The following PDE4C variants were observed in gnomAD, a reference collection of about 807,000 sequenced individuals.
The protein encoded by PDE4C is 3',5'-cyclic-AMP phosphodiesterase 4C.
PDE4C carries 50 observed loss-of-function variants against 63.9 expected under a neutral mutation model. The observed-to-expected ratio is 0.78, with a 90% confidence interval of 0.62 to 0.99. The LOEUF is 0.99. Ranked by LOEUF, PDE4C falls within the 50% of genes least tolerant of loss-of-function variation. The probability of loss-of-function intolerance (pLI) is 0.00; values close to 1 mark genes in which losing one functional copy is unlikely to be tolerated. For missense variants in PDE4C, 777 were observed against 899.1 expected (o/e 0.86, Z 1.74); for synonymous variants, 377 against 385.1 (o/e 0.98, Z 0.25).
At chr19:18,234,232 C>G (rs1159153372), upstream of PDE4C, 1 of 152,364 alleles carries the variant, frequency 6.6e-6, no homozygotes, top group African/African-American at 2.4e-5. Flanking sequence ...TGTGGAAGCT[C>G]AGGACAGGCA....
At chr19:18,254,040 C>G in the PDE4C span, among the ~76,000 whole-genome samples, 1 of 152,336 alleles carries the variant, frequency 6.6e-6, no homozygotes, top group Admixed American at 6.5e-5. Flanking sequence ...CCACATGCCA[C>G]CCTCCCCAGA....
intron 12 of PDE4C, among the ~76,000 whole-genome samples, chr19:18,213,944 C>T (rs1968082134): frequency 1.3e-5 from 2 of 152,218 alleles, no homozygotes; most frequent in African/African-American, 4.8e-5. Context: ...TCCTACTCAT[C>T]CTTCAAAGCC....
At chr19:18,235,393 T>A (rs271830), upstream of PDE4C, among the ~76,000 whole-genome samples, 114,847 of 152,082 alleles carry the variant, frequency 0.76, 44,531 homozygotes, top group African/African-American at 0.94. Flanking sequence ...CTGGACTCGA[T>A]CTCCTGACCT....
chr19:18,220,549 C>A lies in PDE4C; in HGVS notation c.500-34G>T, dbSNP rs1370169436. On this transcript the variant is annotated intron_variant, in intron 5 of 14. Coordinates refer to ENST00000262805, the Ensembl canonical transcript of PDE4C. This position sits in a 1 kb window ranked among gnomAD's most constrained non-coding sequence, Gnocchi z 5.1. Reference sequence around the variant, plus strand: ...CGAGGCAGTCAGGGGCCTGCCCAACCCCCCCGCTCAGGGACCCCACGCCTC... The same window carrying A: ...CGAGGCAGTCAGGGGCCTGCCCAACACCCCCGCTCAGGGACCCCACGCCTC... 4.8e-6 allele frequency: 7 copies of A among 1,445,420 alleles called. No individual in the cohort carries two copies. The highest frequency in any genetic ancestry group is 2.2e-5 in the Admixed American group (1 of 46,182). The allele number at this position is 1,445,420 out of a possible 1,614,324, so 89.5% of individuals were successfully genotyped here.
chr19:18,211,229 A>G (rs773993649), exon 15 of PDE4C: 1 of 1,608,942 alleles, frequency 6.2e-7, no homozygotes, highest in Non-Finnish European at 8.5e-7. Context: ...GGACCAGGTC[A>G]GCCCAAGTCT....
chr19:18,245,223 G>A (rs1969110353), intron 1 of PDE4C, among the ~76,000 whole-genome samples: 1 of 151,366 alleles, frequency 6.6e-6, no homozygotes, highest in Non-Finnish European at 1.5e-5. Context: ...GAGTGCAGTG[G>A]CACAATCTCG....
chr19:18,211,912 A>G (rs1427772995), exon 14 of PDE4C: 1 of 1,614,190 alleles, frequency 6.2e-7, no homozygotes, highest in Admixed American at 1.7e-5. Context: ...GGTTGCTCAG[A>G]TCAGCACAGT....
intron 1 of PDE4C, chr19:18,232,870 G>T: frequency 7.3e-7 from 1 of 1,372,402 alleles, no homozygotes. Context: ...CCCTGGAGAA[G>T]CAAGGACCCT....
intron 11 of PDE4C, 42 bp from the exon 12 acceptor site, chr19:18,216,937 C>A: frequency 6.4e-7 from 1 of 1,555,284 alleles, no homozygotes; most frequent in South Asian, 1.2e-5. Context: ...TCCACCCGCC[C>A]CACCCACTCT....
chr19:18,239,109 G>A (rs143440194), intron 1 of PDE4C, among the ~76,000 whole-genome samples: 58 of 152,192 alleles, frequency 3.8e-4, no homozygotes, highest in African/African-American at 1.3e-3. Flanking sequence ...CGTTCCAATA[G>A]TACATGGATG....
chr19:18,220,498 G>A lies in PDE4C; in HGVS notation c.517C>T (p.Leu173=). 1 of 1,614,040 alleles carries A rather than the reference G, an allele frequency of 6.2e-7. No homozygotes were observed. Among genetic ancestry groups the A allele is most frequent in the Non-Finnish European group, 8.5e-7 (1 of 1,179,992 alleles). The stretch of plus-strand genomic sequence containing the variant: ...AGCTCGTCTAGCGTCTCCAATGCCA[G>A]CTTCTGCCCCGTGTCCTCTGGGAGC... The change falls in exon 6 of 15, where the codon CTG becomes TTG. Residue 173 remains leucine (L), a synonymous_variant. Coordinates refer to ENST00000262805, the Ensembl canonical transcript of PDE4C. This position sits in a 1 kb window ranked among gnomAD's most constrained non-coding sequence, Gnocchi z 5.1.
At chr19:18,226,640 G>A (rs1968741403), upstream of PDE4C, among the ~76,000 whole-genome samples, 1 of 135,020 alleles carries the variant, frequency 7.4e-6, no homozygotes, top group Admixed American at 8.8e-5. Context: ...CGATCTCGCT[G>A]TGTTGCCCAG....
rs1600073168 is a variant in PDE4C, at chr19:18,218,567, C to T, written c.970-69G>A. ...TGCAGCACACGCTGTTCCTACCCCT[C>T]TCTTCTGAACTCCTATCTATGCCTC... On this transcript the variant is annotated intron_variant, in intron 9 of 14. Transcript: ENST00000262805. 8 of 1,543,826 alleles carry T rather than the reference C, an allele frequency of 5.2e-6. No individual in the cohort carries two copies. The East Asian group carries it at 1.1e-4, about 22-fold the overall frequency.
At chr19:18,213,978 G>C (rs1968083026) in intron 12 of PDE4C, among the ~76,000 whole-genome samples, 1 of 152,152 alleles carries the variant, frequency 6.6e-6, no homozygotes, top group South Asian at 2.1e-4. Context: ...CCACCCTCAG[G>C]CTGGGCGCCG....
chr19:18,223,438 G>A (rs999296347), intron 1 of PDE4C, among the ~76,000 whole-genome samples: 97 of 152,138 alleles, frequency 6.4e-4, no homozygotes, highest in African/African-American at 2.1e-3. Flanking sequence ...TTGAACTCCC[G>A]ACCTCAGGTG....
upstream of PDE4C, among the ~76,000 whole-genome samples, chr19:18,234,500 C>G (rs112716336): frequency 1.3e-3 from 202 of 152,286 alleles, 2 homozygotes; most frequent in African/African-American, 4.5e-3. Context: ...TCATGGTTAA[C>G]TGAAGTAGGC....
chr19:18,229,964 C>G (rs963778285), upstream of PDE4C, among the ~76,000 whole-genome samples: 3 of 152,160 alleles, frequency 2.0e-5, no homozygotes, highest in South Asian at 6.2e-4. Flanking sequence ...CTTATTTCCA[C>G]CCCATGGCCC....
chr19:18,247,587 C>T (rs987851750), intron 1 of PDE4C, among the ~76,000 whole-genome samples: 5 of 152,310 alleles, frequency 3.3e-5, no homozygotes, highest in Admixed American at 3.3e-4. Flanking sequence ...TGAGCCACCG[C>T]GCCTGGCCAG....
chr19:18,241,149 G>A (rs1969028185), intron 1 of PDE4C, among the ~76,000 whole-genome samples: 1 of 152,092 alleles, frequency 6.6e-6, no homozygotes, highest in Non-Finnish European at 1.5e-5. Context: ...CGGGAATGAA[G>A]AGGGTGGGGT....
Sources: allele counts gnomAD v4.1 joint callset (sites outside exome capture counted in the v4.1 genomes callset), GRCh38; gene constraint gnomAD v4.1.1; non-coding constraint Gnocchi (gnomAD v3.1); transcripts MANE v1.5; gene names NCBI Gene and HGNC (gene_info 2026-07-23, HGNC 2026-07-21).